Variants in FAM171A1 observed in about 807,000 individuals in gnomAD.
FAM171A1 encodes the protein family with sequence similarity 171 member A1.
In FAM171A1, 23 loss-of-function variants were observed where a neutral mutation model predicts 74.9. That is an observed-to-expected ratio of 0.31 (90% CI 0.22 to 0.44). FAM171A1 has a LOEUF of 0.44. Ranked by LOEUF, FAM171A1 falls within the 20% of genes least tolerant of loss-of-function variation. The pLI is 1.00. For synonymous variants in FAM171A1, 527 were observed against 505.7 expected, an observed-to-expected ratio of 1.04 and a Z score of -0.57; for missense variants, 1,162 against 1,159.2, an observed-to-expected ratio of 1.00 and a Z score of -0.03.
intron 5 of FAM171A1, among the ~76,000 whole-genome samples, chr10:15,224,281 CAT>C (rs1447304773): frequency 6.6e-6 from 1 of 152,094 alleles, no homozygotes; most frequent in East Asian, 1.9e-4. Context: ...GCCTGGATGA[CAT>C]GTGAAGATGG....
chr10:15,359,911 AG>A (rs1390963508), intron 1 of FAM171A1, among the ~76,000 whole-genome samples: 5 of 152,150 alleles, frequency 3.3e-5, no homozygotes, highest in Non-Finnish European at 5.9e-5. Context: ...AATTCCAAAA[AG>A]GAACATGGCC....
At chr10:15,260,080 A>G (rs898359666) in intron 3 of FAM171A1, among the ~76,000 whole-genome samples, 5 of 151,622 alleles carry the variant, frequency 3.3e-5, no homozygotes, top group African/African-American at 1.2e-4. Context: ...GCCCTCCACA[A>G]CCTTCCAAAG....
chr10:15,286,275 A>C (rs902709730), intron 1 of FAM171A1, among the ~76,000 whole-genome samples: 3 of 152,094 alleles, frequency 2.0e-5, no homozygotes, highest in African/African-American at 7.2e-5. Context: ...GAGAGTATTA[A>C]TACCTTTGTT....
chr10:15,284,137 C>T, intron 1 of FAM171A1, 32 bp from the exon 2 acceptor site: 1 of 1,593,186 alleles, frequency 6.3e-7, no homozygotes. Flanking sequence ...AGAACAGCTA[C>T]TGTCAATGGG....
chr10:15,320,673 G>C (rs1294105404), intron 1 of FAM171A1, among the ~76,000 whole-genome samples: 1 of 152,146 alleles, frequency 6.6e-6, no homozygotes, highest in Non-Finnish European at 1.5e-5. Context: ...ACTGGTATGA[G>C]ATGGTATCTC....
chr10:15,334,742 G>A (rs1281333280), intron 1 of FAM171A1, among the ~76,000 whole-genome samples: 2 of 152,164 alleles, frequency 1.3e-5, no homozygotes, highest in Non-Finnish European at 2.9e-5. Flanking sequence ...TCTAAGGCAG[G>A]TTCAAAGCTG....
intron 1 of FAM171A1, among the ~76,000 whole-genome samples, chr10:15,334,706 G>T (rs182260984): frequency 1.3e-5 from 2 of 152,252 alleles, no homozygotes; most frequent in Non-Finnish European, 1.5e-5. Flanking sequence ...TCAATACACC[G>T]ATGGGAACTG....
intron 1 of FAM171A1, among the ~76,000 whole-genome samples, chr10:15,345,405 G>C (rs1564286366): frequency 6.6e-6 from 1 of 152,088 alleles, no homozygotes; most frequent in Non-Finnish European, 1.5e-5. Flanking sequence ...CACAGACCTG[G>C]GATGGCAGAA....
intron 1 of FAM171A1, among the ~76,000 whole-genome samples, chr10:15,354,470 T>G (rs543963460): frequency 6.7e-6 from 1 of 150,374 alleles, no homozygotes; most frequent in African/African-American, 2.4e-5. Flanking sequence ...CACTCCAGCC[T>G]GGGTGACAGA....
intron 2 of FAM171A1, among the ~76,000 whole-genome samples, chr10:15,279,066 C>A (rs1834932651): frequency 6.6e-6 from 1 of 152,126 alleles, no homozygotes; most frequent in South Asian, 2.1e-4. Flanking sequence ...CCCGTGGCGA[C>A]TGCAGACATT....
chr10:15,345,212 A>G (rs1253600163), intron 1 of FAM171A1, among the ~76,000 whole-genome samples: 1 of 152,204 alleles, frequency 6.6e-6, no homozygotes, highest in Non-Finnish European at 1.5e-5. Context: ...CTTTTTCAGA[A>G]AACACTGCGC....
chr10:15,254,657 A>G (rs1834552940), intron 4 of FAM171A1, 64 bp downstream of exon 4: 1 of 1,554,672 alleles, frequency 6.4e-7, no homozygotes, highest in African/African-American at 1.4e-5. Flanking sequence ...AATCATACCT[A>G]AAATCCACAT....
chr10:15,228,383 T>C (rs143925354), intron 5 of FAM171A1, among the ~76,000 whole-genome samples: 3,774 of 148,266 alleles, frequency 0.025, 62 homozygotes, highest in Admixed American at 0.033. Context: ...TGCTTTGTCA[T>C]TCAGGCTGGA....
At chr10:15,226,379 A>G (rs1375879907) in intron 5 of FAM171A1, among the ~76,000 whole-genome samples, 3 of 152,210 alleles carry the variant, frequency 2.0e-5, no homozygotes, top group Non-Finnish European at 2.9e-5. Context: ...TGAAATTTCT[A>G]CATCATTGAT....
intron 6 of FAM171A1, among the ~76,000 whole-genome samples, chr10:15,220,592 T>C (rs1479893618): frequency 1.3e-5 from 2 of 152,136 alleles, no homozygotes; most frequent in African/African-American, 4.8e-5. Context: ...GGAGTGCTTT[T>C]CCCTACATGT....
intron 3 of FAM171A1, among the ~76,000 whole-genome samples, chr10:15,261,897 C>T (rs370607051): frequency 5.3e-5 from 8 of 152,048 alleles, no homozygotes; most frequent in East Asian, 1.9e-4. Flanking sequence ...GCAGGAGGAA[C>T]GCTTGAGGCC....
At chr10:15,335,149 C>T (rs1392924027) in intron 1 of FAM171A1, among the ~76,000 whole-genome samples, 2 of 152,110 alleles carry the variant, frequency 1.3e-5, no homozygotes, top group African/African-American at 2.4e-5. Flanking sequence ...GAGGCTGAGG[C>T]AGGAGGATTG....
At chr10:15,359,498 C>G (rs2131887715) in intron 1 of FAM171A1, among the ~76,000 whole-genome samples, 1 of 152,252 alleles carries the variant, frequency 6.6e-6, no homozygotes, top group Admixed American at 6.5e-5. Context: ...CTCCCGGTAC[C>G]CTCTGGCCAT....
intron 3 of FAM171A1, among the ~76,000 whole-genome samples, chr10:15,269,104 T>TTTTA (rs536998136): frequency 4.9e-4 from 74 of 152,020 alleles, no homozygotes; most frequent in African/African-American, 1.5e-3. Flanking sequence ...GCCCATGATT[T>TTTTA]TTTATTTATT....
Sources: gnomAD v4.1 joint callset for allele counts (sites outside exome capture counted in the v4.1 genomes callset) on GRCh38, gnomAD v4.1.1 for gene constraint, MANE v1.5 for transcripts, NCBI Gene and HGNC (gene_info 2026-07-23, HGNC 2026-07-21) for gene names.